C17orf67: variants seen among roughly 807,000 people sequenced by gnomAD.
C17orf67 encodes the protein uncharacterized protein C17orf67.
C17orf67 carries 12 observed loss-of-function variants against 11.2 expected under a neutral mutation model. That is an observed-to-expected ratio of 1.07 (90% CI 0.68 to 1.73). The LOEUF is 1.73. Among genes scored for constraint, C17orf67 ranks in the 40% most tolerant of loss-of-function variants. The probability of loss-of-function intolerance (pLI) is 0.00; values close to 1 mark genes in which losing one functional copy is unlikely to be tolerated. For missense variants in C17orf67, 115 were observed against 113.5 expected (o/e 1.01, Z -0.06); for synonymous variants, 59 against 46.9 (o/e 1.26, Z -1.05).
intron 2 of C17orf67, among the ~76,000 whole-genome samples, chr17:56,825,960 T>TGTGC (rs10633404): frequency 0.61 from 92,263 of 150,944 alleles, 28,426 homozygotes; most frequent in East Asian, 0.83. Context: ...TGTGTGTGTG[T>TGTGC]GCACGCGTGT....
At position 56,795,097 on chromosome 17, in the gene C17orf67, G is replaced by T; in HGVS notation, c.240C>A (p.Pro80=). The change falls in exon 7 of 8, where the codon CCC becomes CCA. Residue 80 remains proline (P), a synonymous_variant. Coordinates refer to ENST00000397861, the MANE Select transcript of C17orf67 (RefSeq NM_001085430.4). ...GATGAATCCTGTTCCTGTCACAGTG[G>T]GGTTTGCAGTGAGGGTTCAGCCAGT... The part of the protein sequence containing the change: ...LEHWLNPHCK[P]HCDRNRIHPV 3 of 1,614,094 alleles carry T rather than the reference G, an allele frequency of 1.9e-6. No homozygotes were observed. Among genetic ancestry groups the T allele is most frequent in the Non-Finnish European group, 2.5e-6 (3 of 1,179,986 alleles).
chr17:56,798,202 G>A (rs1405109090), intron 6 of C17orf67, among the ~76,000 whole-genome samples: 1 of 152,210 alleles, frequency 6.6e-6, no homozygotes, highest in African/African-American at 2.4e-5. Context: ...CCTCTGCCCA[G>A]CTTAGGCCCC....
At chr17:56,798,068 C>T (rs1905245912) in intron 6 of C17orf67, among the ~76,000 whole-genome samples, 1 of 152,182 alleles carries the variant, frequency 6.6e-6, no homozygotes, top group Non-Finnish European at 1.5e-5. Context: ...TCATATCTCT[C>T]TTCATGGCAC....
At chr17:56,807,066 A>C (rs1458657693) in intron 6 of C17orf67, among the ~76,000 whole-genome samples, 2 of 152,260 alleles carry the variant, frequency 1.3e-5, no homozygotes, top group African/African-American at 4.8e-5. Flanking sequence ...GTAAATGACC[A>C]GGAAGAGGTC....
chr17:56,824,310 G>C (rs538680686), intron 4 of C17orf67, among the ~76,000 whole-genome samples: 1 of 152,330 alleles, frequency 6.6e-6, no homozygotes, highest in East Asian at 1.9e-4. Context: ...TTATGACACA[G>C]AGCAAAAGCC....
Position 56,795,048 on chromosome 17 carries a change from G to C in C17orf67, c.*16C>G. On this transcript the variant is annotated 3_prime_UTR_variant, in exon 7 of 8. Transcript: ENST00000397861. ...GGGAGAGAGAAGGAGACGTACCGAGGCTGGTCCTGATCCCCTTACACAGGA... is the reference window on the plus strand; with the variant it reads ...GGGAGAGAGAAGGAGACGTACCGAGCCTGGTCCTGATCCCCTTACACAGGA... 1 of 1,602,334 alleles carries C rather than the reference G, an allele frequency of 6.2e-7. No individual in the cohort carries two copies. The highest frequency in any genetic ancestry group is 2.2e-5 in the East Asian group (1 of 44,828).
rs150914609 is a variant in C17orf67 at position 56,818,676 on chromosome 17, A to G, written c.-200-2666T>C. Reference sequence around the variant, plus strand: ...TAAAAAGGTTAAATATTTTAATATTATATTTTAACATGATGAAATATCCAA... The same window carrying G: ...TAAAAAGGTTAAATATTTTAATATTGTATTTTAACATGATGAAATATCCAA... On this transcript the variant is annotated intron_variant, in intron 4 of 7. Coordinates refer to ENST00000397861, the MANE Select transcript of C17orf67 (RefSeq NM_001085430.4). Among the ~76,000 whole-genome samples, 498 of 152,376 alleles carry G rather than the reference A, an allele frequency of 3.3e-3. 1 individual carries two copies. Among genetic ancestry groups the G allele is most frequent in the Non-Finnish European group, 5.3e-3 (359 of 68,038 alleles).
At position 56,827,008 on chromosome 17, in the gene C17orf67, A is replaced by G. The variant is rs76141550; in HGVS notation, c.-556-1687T>C. Among the ~76,000 whole-genome samples, 937 of 152,392 alleles carry G rather than the reference A, an allele frequency of 6.1e-3. 15 individuals carry two copies. The highest frequency in any genetic ancestry group is 0.044 in the East Asian group (229 of 5,190). On this transcript the variant is annotated intron_variant, in intron 2 of 7. Transcript: ENST00000397861. Reference sequence around the variant, plus strand: ...GCACAAGCTGTGCAATGCTTGGCACATAGTTAAGTGCTCAGCCAGTACGTG... The same window carrying G: ...GCACAAGCTGTGCAATGCTTGGCACGTAGTTAAGTGCTCAGCCAGTACGTG...
intron 2 of C17orf67, among the ~76,000 whole-genome samples, chr17:56,829,735 G>A (rs996569862): frequency 2.0e-5 from 3 of 152,128 alleles, no homozygotes; most frequent in African/African-American, 7.2e-5. Flanking sequence ...GGAGACCCTG[G>A]AGCACATCAG....
intron 4 of C17orf67, among the ~76,000 whole-genome samples, chr17:56,821,341 A>G (rs954700623): frequency 6.6e-6 from 1 of 152,218 alleles, no homozygotes; most frequent in Non-Finnish European, 1.5e-5. Flanking sequence ...TCACATGTAC[A>G]TTGTAAAGAA....
intron 2 of C17orf67, among the ~76,000 whole-genome samples, chr17:56,831,257 G>A (rs910055662): frequency 1.3e-5 from 2 of 152,126 alleles, no homozygotes; most frequent in Admixed American, 1.3e-4. Flanking sequence ...TGCTGCCAGA[G>A]ACCGAGAGAC....
chr17:56,799,615 T>C (rs908045477), intron 6 of C17orf67, among the ~76,000 whole-genome samples: 15 of 152,242 alleles, frequency 9.9e-5, no homozygotes, highest in African/African-American at 3.4e-4. Context: ...TTGAATCGTA[T>C]GTTAAGAGTA....
rs1373993731 is a variant in C17orf67, at chr17:56,815,782, G to C, written c.29C>G (p.Ser10Cys). The change falls in exon 5 of 8, where the codon TCT becomes TGT. Residue 10 changes from serine to cysteine, a missense_variant. Ser to Cys is a moderately radical substitution (Grantham distance 112). Transcript: ENST00000397861. MKTLPVLVL[S>C]LTLLTVFSET... is the part of the protein sequence containing the mutation. ...TGAGAAGACAGTCAGTAAGGTAAGAGACAGCACGAGCACAGGCAATGTCTT... is the reference window on the plus strand; with the variant it reads ...TGAGAAGACAGTCAGTAAGGTAAGACACAGCACGAGCACAGGCAATGTCTT... The C allele has an allele frequency of 1.2e-6, 2 of 1,613,648 alleles. No homozygotes were observed. Among genetic ancestry groups the C allele is most frequent in the African/African-American group, 1.3e-5 (1 of 74,904 alleles).
intron 6 of C17orf67, among the ~76,000 whole-genome samples, chr17:56,798,506 G>C (rs1357814080): frequency 6.6e-6 from 1 of 152,022 alleles, no homozygotes; most frequent in Non-Finnish European, 1.5e-5. Context: ...GTCCATAGTT[G>C]ATATTAGGGC....
At chr17:56,804,795 A>G (rs1905406144) in intron 6 of C17orf67, among the ~76,000 whole-genome samples, 1 of 152,220 alleles carries the variant, frequency 6.6e-6, no homozygotes. Flanking sequence ...TCAAGCTTCA[A>G]GACATTCATC....
chr17:56,806,942 C>G (rs1363893787), intron 6 of C17orf67, among the ~76,000 whole-genome samples: 1 of 152,294 alleles, frequency 6.6e-6, no homozygotes, highest in South Asian at 2.1e-4. Context: ...CAATGTGGAA[C>G]GCTAAGGCAG....
intron 7 of C17orf67, among the ~76,000 whole-genome samples, chr17:56,793,982 T>C (rs1053338224): frequency 1.3e-5 from 2 of 151,988 alleles, no homozygotes; most frequent in East Asian, 3.9e-4. Context: ...TCCCTCAGAG[T>C]GATTTCATGC....
chr17:56,803,637 T>C (rs1340284135), intron 6 of C17orf67, among the ~76,000 whole-genome samples: 1 of 152,224 alleles, frequency 6.6e-6, no homozygotes, highest in Non-Finnish European at 1.5e-5. Flanking sequence ...AACTGTTCTT[T>C]CCCTATAATC....
intron 6 of C17orf67, among the ~76,000 whole-genome samples, chr17:56,810,165 TCACA>T (rs768140977): frequency 1.3e-5 from 1 of 76,178 alleles, no homozygotes; most frequent in African/African-American, 5.4e-5. Flanking sequence ...CACCCCCACC[TCACA>T]CACACTCCTT....
Sources: allele counts gnomAD v4.1 joint callset (sites outside exome capture counted in the v4.1 genomes callset), GRCh38; gene constraint gnomAD v4.1.1; transcripts MANE v1.5; gene names NCBI Gene and HGNC (gene_info 2026-07-23, HGNC 2026-07-21).